ACOT12: variants seen among roughly 807,000 people sequenced by gnomAD.
ACOT12 encodes acetyl-coenzyme A thioesterase.
A neutral mutation model predicts 67.7 loss-of-function variants in ACOT12; 51 were observed. The ratio of observed to expected loss-of-function variants is 0.75; its 90% CI spans 0.60 to 0.95. ACOT12 has a LOEUF of 0.95. ACOT12 is among the 40% of genes least tolerant of loss of function. ACOT12 has a pLI of 0.00. For missense variants in ACOT12, 734 were observed against 708.1 expected, an observed-to-expected ratio of 1.04 and a Z score of -0.41; for synonymous variants, 251 against 244.6, an observed-to-expected ratio of 1.03 and a Z score of -0.24.
chr5:81,354,260 T>A (rs965004460), intron 5 of ACOT12, among the ~76,000 whole-genome samples: 1 of 152,194 alleles, frequency 6.6e-6, no homozygotes, highest in African/African-American at 2.4e-5. Context: ...AGATCTAATC[T>A]GGCCAACTTT....
intron 5 of ACOT12, among the ~76,000 whole-genome samples, chr5:81,356,790 A>C (rs916734241): frequency 8.6e-5 from 13 of 151,090 alleles, no homozygotes; most frequent in African/African-American, 2.7e-4. Context: ...GTGTATTTTT[A>C]AACTCTTTCC....
chr5:81,309,192 G>C, the ACOT12 span: 1 of 524,712 alleles, frequency 1.9e-6, no homozygotes, highest in Non-Finnish European at 3.2e-6. Context: ...ATATGTACTA[G>C]GCTTTTTGTG....
At chr5:81,347,274 C>A (rs1759409816) in intron 6 of ACOT12, among the ~76,000 whole-genome samples, 1 of 152,144 alleles carries the variant, frequency 6.6e-6, no homozygotes, top group African/African-American at 2.4e-5. Flanking sequence ...CACACCACTA[C>A]ACCAGCAAAT....
At chr5:81,378,060 G>A (rs190280195) in intron 2 of ACOT12, among the ~76,000 whole-genome samples, 1 of 152,254 alleles carries the variant, frequency 6.6e-6, no homozygotes, top group East Asian at 1.9e-4. Context: ...AAAGCTGGAG[G>A]CATCATGCTA....
chr5:81,351,854 A>T (rs2153851594), intron 5 of ACOT12, among the ~76,000 whole-genome samples: 1 of 152,362 alleles, frequency 6.6e-6, no homozygotes, highest in Admixed American at 6.5e-5. Context: ...AAAGCTATCC[A>T]TCTGATAAGC....
Position 81,359,581 on chromosome 5 carries a change from G to A in ACOT12, c.496+322C>T, listed in dbSNP as rs116358902. On this transcript the variant is annotated intron_variant, in intron 5 of 14. Transcript: ENST00000307624. The stretch of plus-strand genomic sequence containing the variant: ...ACTGCTTAGTAAGCCACGAAGCACC[G>A]TGTCAATGTATGGCATTGTCATCAA... Among the ~76,000 whole-genome samples, 471 of 152,304 alleles carry A rather than the reference G, an allele frequency of 3.1e-3. 3 individuals are homozygous for A. Among genetic ancestry groups the A allele is most frequent in the African/African-American group, 0.011 (440 of 41,562 alleles).
chr5:81,318,377 G>A, the ACOT12 span, among the ~76,000 whole-genome samples: 3 of 152,066 alleles, frequency 2.0e-5, no homozygotes, highest in South Asian at 6.2e-4. Flanking sequence ...TGGACTCTCA[G>A]TTCTATTCCA....
intron 12 of ACOT12, 29 bp from the exon 13 acceptor site, chr5:81,332,634 T>C (rs1758867299): frequency 1.9e-6 from 3 of 1,612,436 alleles, no homozygotes; most frequent in East Asian, 2.2e-5. Flanking sequence ...GAAAAGCAGG[T>C]ATACTTTCTA....
At chr5:81,354,193 A>C (rs1759638260) in intron 5 of ACOT12, among the ~76,000 whole-genome samples, 1 of 152,276 alleles carries the variant, frequency 6.6e-6, no homozygotes, top group Admixed American at 6.5e-5. Flanking sequence ...TGATAAAAGA[A>C]GACTTTGAGA....
chr5:81,319,248 C>T, the ACOT12 span, among the ~76,000 whole-genome samples: 2 of 152,226 alleles, frequency 1.3e-5, no homozygotes, highest in Non-Finnish European at 2.9e-5. Context: ...TTCTGGACAT[C>T]CTTCTCCCTG....
intron 2 of ACOT12, among the ~76,000 whole-genome samples, chr5:81,381,082 T>C (rs1225583522): frequency 6.6e-6 from 1 of 152,014 alleles, no homozygotes; most frequent in East Asian, 1.9e-4. Flanking sequence ...TTTTTTTTTT[T>C]AGAGATGGGG....
chr5:81,322,478 A>AC, the ACOT12 span, among the ~76,000 whole-genome samples: 5 of 149,844 alleles, frequency 3.3e-5, no homozygotes, highest in African/African-American at 7.4e-5. Context: ...CAAAAAAAAA[A>AC]CCCCACATAC....
At chr5:81,388,624 C>A (rs202157819) in intron 1 of ACOT12, among the ~76,000 whole-genome samples, 1 of 152,170 alleles carries the variant, frequency 6.6e-6, no homozygotes, top group Admixed American at 6.5e-5. Flanking sequence ...GCAGCCTCTG[C>A]GTAAGGTGCT....
At chr5:81,360,993 G>T (rs141618189) in intron 4 of ACOT12, among the ~76,000 whole-genome samples, 1,864 of 146,216 alleles carry the variant, frequency 0.013, 30 homozygotes, top group South Asian at 0.019. Context: ...CACAAGAATC[G>T]CTTGAACCCA....
chr5:81,346,102 T>C (rs1381365952), intron 6 of ACOT12, 98 bp from the exon 7 acceptor site: 2 of 1,524,894 alleles, frequency 1.3e-6, no homozygotes, highest in African/African-American at 1.4e-5. Context: ...TTCTTTAAAT[T>C]TGACTGAAAT....
chr5:81,326,153 G>A (rs1366773972), downstream of ACOT12, among the ~76,000 whole-genome samples: 4 of 114,822 alleles, frequency 3.5e-5, no homozygotes, highest in East Asian at 1.1e-3. Context: ...GTGAGTCGAA[G>A]TCTCGCCCTG....
chr5:81,322,243 C>T, the ACOT12 span, among the ~76,000 whole-genome samples: 1 of 151,820 alleles, frequency 6.6e-6, no homozygotes, highest in Admixed American at 6.6e-5. Flanking sequence ...TATTGCAGAA[C>T]CATAAAATAA....
At chr5:81,350,689 A>G (rs1181876099) in intron 5 of ACOT12, among the ~76,000 whole-genome samples, 3 of 152,220 alleles carry the variant, frequency 2.0e-5, no homozygotes, top group African/African-American at 7.2e-5. Context: ...GTTCTGTTTT[A>G]GCCCAGACAG....
At chr5:81,390,794 ATATTTTTAATTATAT>A (rs1561355748) in intron 1 of ACOT12, among the ~76,000 whole-genome samples, 1 of 152,104 alleles carries the variant, frequency 6.6e-6, no homozygotes, top group Admixed American at 6.6e-5. Flanking sequence ...CTTTATTATC[ATATTTTTAATTATAT>A]TATTGAGCAC....
Sources: gnomAD v4.1 joint callset for allele counts (sites outside exome capture counted in the v4.1 genomes callset) on GRCh38, gnomAD v4.1.1 for gene constraint, MANE v1.5 for transcripts, NCBI Gene and HGNC (gene_info 2026-07-23, HGNC 2026-07-21) for gene names.